SAMD8: variants seen among roughly 807,000 people sequenced by gnomAD.
SAMD8 encodes sterile alpha motif domain containing 8.
SAMD8 carries 20 observed loss-of-function variants against 42.0 expected under a neutral mutation model. The observed-to-expected ratio is 0.48, with a 90% confidence interval of 0.34 to 0.69. SAMD8 has a LOEUF of 0.69. Ranked by LOEUF, SAMD8 falls within the 30% of genes least tolerant of loss-of-function variation. The pLI is 0.01. For missense variants in SAMD8, 328 were observed against 511.6 expected, an observed-to-expected ratio of 0.64 and a Z score of 3.46; for synonymous variants, 162 against 173.0, an observed-to-expected ratio of 0.94 and a Z score of 0.50.
chr10:75,150,493 T>C, intron 1 of SAMD8, 21 bp from the exon 2 acceptor site: 1 of 1,568,702 alleles, frequency 6.4e-7, no homozygotes, highest in East Asian at 2.2e-5. Context: ...TTTGTTTTGT[T>C]TTCCTGTTTT....
chr10:75,101,817 A>C, intron 1 of SAMD8: 2 of 1,224,848 alleles, frequency 1.6e-6, no homozygotes, highest in Non-Finnish European at 1.1e-6. Context: ...ATTACCCAGC[A>C]TGCTCAGGGA....
At chr10:75,103,939 G>A in intron 1 of SAMD8, 2 of 1,320,734 alleles carry the variant, frequency 1.5e-6, no homozygotes, top group Non-Finnish European at 2.0e-6. Context: ...TAGGCGCCAG[G>A]AGGAGCCAGA....
At chr10:75,101,622 G>A (rs958481269) in intron 1 of SAMD8, among the ~76,000 whole-genome samples, 3 of 152,248 alleles carry the variant, frequency 2.0e-5, no homozygotes, top group Admixed American at 6.5e-5. Context: ...TGAGGAAACC[G>A]AGACTCAGAG....
intron 4 of SAMD8, among the ~76,000 whole-genome samples, chr10:75,170,169 C>T (rs1268768520): frequency 6.6e-6 from 1 of 152,102 alleles, no homozygotes; most frequent in Admixed American, 6.6e-5. Flanking sequence ...TACAAATTTG[C>T]AAAGAATTTT....
In SAMD8 at chr10:75,176,581, G is replaced by A; in HGVS notation, c.1137G>A (p.Arg379=). ...TRAYQQSRRA[R]IWFPMFSFFE... The stretch of plus-strand genomic sequence containing the variant: ...CATATCAGCAGAGTAGGAGAGCAAG[G>A]ATTTGGTTTCCCATGTTCTCTTTTT... Residue 379 remains arginine (R), a synonymous_variant, in exon 6 of 6, where the codon AGG becomes AGA. Coordinates refer to ENST00000542569, the MANE Select transcript of SAMD8 (RefSeq NM_001174156.2). The surrounding 1 kb of genome is among the most constrained non-coding windows in gnomAD (Gnocchi z 4.3). 1 of 1,550,564 alleles carries A rather than the reference G, an allele frequency of 6.4e-7. No individual in the cohort carries two copies. Among genetic ancestry groups the A allele is most frequent in the Non-Finnish European group, 8.7e-7 (1 of 1,146,988 alleles).
chr10:75,148,346 CTTT>C (rs60024591), intron 1 of SAMD8, among the ~76,000 whole-genome samples: 141 of 82,526 alleles, frequency 1.7e-3, no homozygotes, highest in Non-Finnish European at 1.7e-3. Context: ...GCAATACCAG[CTTT>C]TTTTTTTTTT....
chr10:75,129,766 C>G (rs938159814), intron 1 of SAMD8, among the ~76,000 whole-genome samples: 2 of 152,160 alleles, frequency 1.3e-5, no homozygotes, highest in African/African-American at 4.8e-5. Flanking sequence ...TTAGGTTTAG[C>G]TGTGATCTTA....
At chr10:75,109,628 A>G (rs2134405247), upstream of SAMD8, among the ~76,000 whole-genome samples, 1 of 152,214 alleles carries the variant, frequency 6.6e-6, no homozygotes, top group Non-Finnish European at 1.5e-5. Context: ...GAACTGAAAG[A>G]AGTGTACAGT....
chr10:75,169,169 C>CAAA (rs1023080854), intron 4 of SAMD8, among the ~76,000 whole-genome samples: 144 of 30,144 alleles, frequency 4.8e-3, no homozygotes, highest in East Asian at 0.012. Context: ...GACTCCATCT[C>CAAA]AAAAAAAAAA....
chr10:75,132,687 C>T (rs1302555651), intron 1 of SAMD8, among the ~76,000 whole-genome samples: 1 of 113,894 alleles, frequency 8.8e-6, no homozygotes, highest in Non-Finnish European at 1.7e-5. Context: ...AATAGCTGTC[C>T]AAAGGCAGAT....
Position 75,175,556 on chromosome 10 carries a change from T to A in SAMD8, c.793-510T>A, listed in dbSNP as rs1840972927. Among the ~76,000 whole-genome samples the A allele has an allele frequency of 3.3e-5, 5 of 152,228 alleles. No homozygotes were observed. The South Asian group carries it at 1.0e-3, about 32-fold the overall frequency. ...TATTTATTTATTTTTAATTAATTAA[T>A]CAATTTTTTTGAGACAGAGTCTTAC... On this transcript the variant is annotated intron_variant, in intron 4 of 5. Coordinates refer to ENST00000542569, the MANE Select transcript of SAMD8 (RefSeq NM_001174156.2).
chr10:75,109,014 T>A, upstream of SAMD8: 2 of 1,603,296 alleles, frequency 1.2e-6, no homozygotes, highest in Non-Finnish European at 1.7e-6. Context: ...CTCACGCATC[T>A]CCTATGAAAA....
upstream of SAMD8, among the ~76,000 whole-genome samples, chr10:75,110,221 G>A (rs774587737): frequency 1.3e-5 from 2 of 152,194 alleles, no homozygotes; most frequent in Non-Finnish European, 1.5e-5. Context: ...CGGGAGGTGA[G>A]TGTTGCCCTA....
At chr10:75,175,898 C>T (rs1190797391) in intron 4 of SAMD8, 168 bp from the exon 5 acceptor site, 1 of 985,254 alleles carries the variant, frequency 1.0e-6, no homozygotes, top group Non-Finnish European at 1.2e-6. Context: ...AAGCTTTGCC[C>T]ACCCATTCTT....
chr10:75,152,521 CAAAAAAAAAA>C, intron 2 of SAMD8, among the ~76,000 whole-genome samples: 1 of 46,476 alleles, frequency 2.2e-5, no homozygotes, highest in Middle Eastern at 0.013. Context: ...GACTCCGTCT[CAAAAAAAAAA>C]AAAAGAAAAA....
intron 2 of SAMD8, among the ~76,000 whole-genome samples, chr10:75,157,168 C>G (rs1840429974): frequency 6.6e-6 from 1 of 151,254 alleles, no homozygotes; most frequent in Admixed American, 6.6e-5. Context: ...AGTGTTGATT[C>G]TTTTAACTTT....
At chr10:75,164,958 A>G (rs1356172429) in intron 3 of SAMD8, among the ~76,000 whole-genome samples, 2 of 152,242 alleles carry the variant, frequency 1.3e-5, no homozygotes, top group Non-Finnish European at 2.9e-5. Context: ...GCACGGAAAG[A>G]TCAGAGATGC....
In SAMD8 at chr10:75,150,573, G is replaced by A. The variant is rs775311214; in HGVS notation, c.45G>A (p.Lys15=). 10 of 1,614,146 alleles carry A rather than the reference G, an allele frequency of 6.2e-6. No homozygotes were observed. The highest frequency in any genetic ancestry group is 2.2e-5 in the South Asian group (2 of 91,082). Residue 15 remains lysine (K), a synonymous_variant, in exon 2 of 6, where the codon AAG becomes AAA. Transcript: ENST00000542569. Reference sequence around the variant, plus strand: ...TCTGCATTCGCCGCTGGACTACCAAGCATGTAGCTGTGTGGCTGAAGGATG... The same window carrying A: ...TCTGCATTCGCCGCTGGACTACCAAACATGTAGCTGTGTGGCTGAAGGATG... The part of the protein sequence containing the change: ...NQLCIRRWTT[K]HVAVWLKDEG...
rs112032940 is a variant in SAMD8 at position 75,103,972 on chromosome 10, G to A, written c.-16+4244G>A. ...AGATGGAGTAGCAGGCTCTAGGGCC[G>A]ACCCCACGCTGGGCTTCCACCATCT... On this transcript the variant is annotated intron_variant, in intron 1 of 3. Coordinates refer to the SAMD8 transcript ENST00000447533. 2.7e-3 allele frequency: 3,621 copies of A among 1,337,402 alleles called. 90 individuals are homozygous for A. In the African/African-American group the frequency reaches 0.048, roughly 18 times the overall value. 82.8% of individuals were successfully genotyped at this position (1,337,402 alleles called of 1,614,324 possible). A position where few individuals can be genotyped will look rare whatever the true frequency, so the allele number is the denominator to read the frequency against.
Sources: gnomAD v4.1 joint callset for allele counts (sites outside exome capture counted in the v4.1 genomes callset) on GRCh38, gnomAD v4.1.1 for gene constraint, Gnocchi (gnomAD v3.1) non-coding constraint, MANE v1.5 for transcripts, NCBI Gene and HGNC (gene_info 2026-07-23, HGNC 2026-07-21) for gene names.